ABCC9: variants seen among roughly 807,000 people sequenced by gnomAD.
ABCC9 encodes ATP-binding cassette sub-family C member 9.
ABCC9 carries 95 observed loss-of-function variants against 188.3 expected under a neutral mutation model. The ratio of observed to expected loss-of-function variants is 0.50; its 90% CI spans 0.43 to 0.60. The LOEUF (loss-of-function observed/expected upper bound fraction) is 0.60, where lower values mean the gene tolerates loss of function less well. ABCC9 is among the 20% of genes least tolerant of loss of function. The pLI, the probability that ABCC9 is intolerant of heterozygous loss-of-function variation, is 0.00. For synonymous variants in ABCC9, 659 were observed against 652.7 expected, an observed-to-expected ratio of 1.01 and a Z score of -0.15; for missense variants, 1,102 against 1,876.3, an observed-to-expected ratio of 0.59 and a Z score of 7.62.
intron 16 of ABCC9, among the ~76,000 whole-genome samples, chr12:21,881,322 T>A (rs1343671813): frequency 6.6e-6 from 1 of 152,098 alleles, no homozygotes; most frequent in Non-Finnish European, 1.5e-5. Flanking sequence ...TCACCGTAAA[T>A]AAAAAATTAA....
chr12:21,916,863 T>C, intron 6 of ABCC9, 74 bp downstream of exon 6: 1 of 1,391,648 alleles, frequency 7.2e-7, no homozygotes, highest in South Asian at 1.5e-5. Flanking sequence ...ATACTAATGA[T>C]TTCTAGCTAA....
intron 15 of ABCC9, among the ~76,000 whole-genome samples, chr12:21,884,140 C>T (rs1486733414): frequency 1.3e-5 from 2 of 151,248 alleles, no homozygotes; most frequent in African/African-American, 4.9e-5. Context: ...GGCATGAACA[C>T]AGCTCACTGC....
At chr12:21,909,478 A>G (rs963713373) in intron 10 of ABCC9, among the ~76,000 whole-genome samples, 2 of 151,992 alleles carry the variant, frequency 1.3e-5, no homozygotes, top group African/African-American at 2.4e-5. Flanking sequence ...TATACAGAGG[A>G]AAAAACTGAG....
At position 21,842,218 on chromosome 12, in the gene ABCC9, C is replaced by T. The variant is rs552447044; in HGVS notation, c.3473+96G>A. 406 of 1,440,710 alleles carry T rather than the reference C, an allele frequency of 2.8e-4. 1 individual carries two copies. The highest frequency in any genetic ancestry group is 3.7e-4 in the Non-Finnish European group (391 of 1,048,952). The allele number at this position is 1,440,710 out of a possible 1,614,324, so 89.2% of individuals were successfully genotyped here. ...TGGAACTTCGTGGAATGTTTTCTTTCCAAATATTTTTGATCTGTTGTTGGC... is the reference window on the plus strand; with the variant it reads ...TGGAACTTCGTGGAATGTTTTCTTTTCAAATATTTTTGATCTGTTGTTGGC... On this transcript the variant is annotated intron_variant, in intron 29 of 39. Transcript: ENST00000261200.
rs538183892 is a variant in ABCC9 at position 21,934,869 on chromosome 12, C to T, written c.143-946G>A. The stretch of plus-strand genomic sequence containing the variant: ...TGAATATTCATGTCTTAGTTGTTTT[C>T]AATTTATTCATCATTGGAAGATTAG... On this transcript the variant is annotated intron_variant, in intron 3 of 39. Transcript: ENST00000261200. Among the ~76,000 whole-genome samples the T allele has an allele frequency of 2.6e-5, 4 of 152,094 alleles. No homozygotes were observed. In the South Asian group the frequency reaches 6.2e-4, roughly 24 times the overall value.
At chr12:21,816,038 T>TTTTG (rs1942607557) in intron 33 of ABCC9, 145 bp from the exon 34 acceptor site, 1 of 16,728 alleles carries the variant, frequency 6.0e-5, no homozygotes. Flanking sequence ...ATGTGGCAGT[T>TTTTG]TTTTTTTTTT....
In ABCC9 at chr12:21,813,575, A is replaced by G. The variant is rs2216525; in HGVS notation, c.4102+1069T>C. ...CTCATAAGGATCAGGCTAACCTAAC[A>G]TGATCAGTCATAAACATAGTGTTTT... On this transcript the variant is annotated intron_variant, in intron 35 of 39. Coordinates refer to ENST00000261200, the MANE Select transcript of ABCC9 (RefSeq NM_020297.4). Among the ~76,000 whole-genome samples the G allele has an allele frequency of 2.8e-3, 429 of 152,308 alleles. 5 individuals are homozygous for G. Among genetic ancestry groups the G allele is most frequent in the Admixed American group, 0.023 (354 of 15,282 alleles).
At chr12:21,893,952 A>G (rs1303679340) in intron 14 of ABCC9, 80 bp downstream of exon 14, 17 of 1,432,546 alleles carry the variant, frequency 1.2e-5, no homozygotes, top group Admixed American at 3.6e-5. Flanking sequence ...GTTCTTTTTT[A>G]TATTTTTTCA....
Position 21,910,145 on chromosome 12 carries a change from T to A in ABCC9, c.1320+12A>T. 6.2e-7 allele frequency: 1 copy of A among 1,605,228 alleles called. No homozygotes were observed. Among genetic ancestry groups the A allele is most frequent in the South Asian group, 1.1e-5 (1 of 90,910 alleles). ...CTGCAGACAAAAATCTTACTTATAT[T>A]TATCTACCTACCTGAACAGGCATAG... On this transcript the variant is annotated intron_variant, in intron 10 of 39. Transcript: ENST00000261200.
rs1464714991 is a variant in ABCC9 at position 21,797,446 on chromosome 12, T to G, written c.*3598A>C. ...AATAGTAGTCCAATATGTTTTTATA[T>G]ATTGTAGAGAATAAACACATTTATT... On this transcript the variant is annotated 3_prime_UTR_variant, in exon 40 of 40. Coordinates refer to ENST00000261200, the MANE Select transcript of ABCC9 (RefSeq NM_020297.4). 1 of 152,230 alleles carries G rather than the reference T, an allele frequency of 6.6e-6. No individual in the cohort carries two copies. Among genetic ancestry groups the G allele is most frequent in the Non-Finnish European group, 1.5e-5 (1 of 68,048 alleles). 9.4% of individuals were successfully genotyped at this position (152,230 alleles called of 1,614,324 possible).
In ABCC9 at chr12:21,797,545, A is replaced by G. The variant is rs1941210035; in HGVS notation, c.*3499T>C. 1 of 152,078 alleles carries G rather than the reference A, an allele frequency of 6.6e-6. No individual in the cohort carries two copies. The highest frequency in any genetic ancestry group is 1.5e-5 in the Non-Finnish European group (1 of 68,038). The allele number at this position is 152,078 out of a possible 1,614,324, so 9.4% of individuals were successfully genotyped here. ...CACAACATAGAAAAGGAAAGAGAAT[A>G]ACCTATAGTTATAGGCACATGGCAG... On this transcript the variant is annotated 3_prime_UTR_variant, in exon 40 of 40. Coordinates refer to ENST00000261200, the MANE Select transcript of ABCC9 (RefSeq NM_020297.4).
intron 31 of ABCC9, among the ~76,000 whole-genome samples, chr12:21,825,610 A>G (rs865835005): frequency 7.8e-6 from 1 of 127,790 alleles, no homozygotes; most frequent in Non-Finnish European, 1.6e-5. Context: ...ACATGGACAC[A>G]GGGAGGGGAA....
intron 38 of ABCC9, 81 bp downstream of exon 38, chr12:21,807,265 C>A: frequency 6.3e-7 from 1 of 1,588,270 alleles, no homozygotes; most frequent in Non-Finnish European, 8.6e-7. Context: ...GATTCAGAAC[C>A]CAATCAGGAA....
At chr12:21,814,856 T>C in intron 34 of ABCC9, 134 bp from the exon 35 acceptor site, 1 of 760,762 alleles carries the variant, frequency 1.3e-6, no homozygotes, top group Non-Finnish European at 2.3e-6. Flanking sequence ...ATAGTTATCA[T>C]TTTTTCTTAG....
intron 5 of ABCC9, 65 bp from the exon 6 acceptor site, chr12:21,917,168 G>C (rs138536271): frequency 1.1e-5 from 17 of 1,508,200 alleles, no homozygotes; most frequent in Non-Finnish European, 1.5e-5. Flanking sequence ...GCATTTGAAT[G>C]TAATTATGAT....
chr12:21,890,993 A>C (rs73077035), intron 14 of ABCC9, among the ~76,000 whole-genome samples: 7,725 of 152,150 alleles, frequency 0.051, 380 homozygotes, highest in African/African-American at 0.13. Context: ...TAAAAAAAAA[A>C]ATCTTTACTG....
At chr12:21,912,390 T>C (rs1445599228) in intron 8 of ABCC9, among the ~76,000 whole-genome samples, 1 of 151,978 alleles carries the variant, frequency 6.6e-6, no homozygotes, top group African/African-American at 2.4e-5. Flanking sequence ...TAATAAAATA[T>C]CATAATGTGA....
chr12:21,828,687 C>G, intron 31 of ABCC9: 2 of 434,976 alleles, frequency 4.6e-6, no homozygotes, highest in Non-Finnish European at 8.6e-6. Flanking sequence ...TGAAGTTATA[C>G]AAATATTTGC....
At position 21,915,831 on chromosome 12, in the gene ABCC9, G is replaced by T. The variant is rs1276025377; in HGVS notation, c.653C>A (p.Pro218Gln). Residue 218 changes from proline (P) to glutamine (Q), a missense_variant, in exon 7 of 40, where the codon CCA becomes CAA. Physicochemically the swap from Pro to Gln is moderately conservative, Grantham distance 76. Transcript: ENST00000261200. ...LQDLGVRFLQ[P>Q]FVNLLSKATY... is the part of the protein sequence containing the mutation. ...TGCTTTTGACAGCAAATTCACAAATGGTTGAAGAAATCTCACTCCCAGATC... is the reference window on the plus strand; with the variant it reads ...TGCTTTTGACAGCAAATTCACAAATTGTTGAAGAAATCTCACTCCCAGATC... 3 of 1,613,476 alleles carry T rather than the reference G, an allele frequency of 1.9e-6. No individual in the cohort carries two copies. Among genetic ancestry groups the T allele is most frequent in the African/African-American group, 1.3e-5 (1 of 74,882 alleles).
Sources: gnomAD v4.1 joint callset for allele counts (sites outside exome capture counted in the v4.1 genomes callset) on GRCh38, gnomAD v4.1.1 for gene constraint, MANE v1.5 for transcripts, NCBI Gene and HGNC (gene_info 2026-07-23, HGNC 2026-07-21) for gene names.